The following NOP58 variants were observed in gnomAD, a reference collection of about 807,000 sequenced individuals.
NOP58 encodes NOP58 ribonucleoprotein, also known as nucleolar protein 58.
Under a neutral mutation model 71.2 loss-of-function variants are expected in NOP58, and 44 were observed. That is an observed-to-expected ratio of 0.62 (90% CI 0.49 to 0.79). The LOEUF (loss-of-function observed/expected upper bound fraction) is 0.79, where lower values mean the gene tolerates loss of function less well. Ranked by LOEUF, NOP58 falls within the 30% of genes least tolerant of loss-of-function variation. NOP58 has a pLI of 0.00. For synonymous variants in NOP58, 228 were observed against 200.3 expected, an observed-to-expected ratio of 1.14 and a Z score of -1.17; for missense variants, 538 against 620.2, an observed-to-expected ratio of 0.87 and a Z score of 1.41.
chr2:202,287,700 G>C lies in NOP58; in HGVS notation c.475G>C (p.Asp159His), dbSNP rs1366500959. 6.2e-7 allele frequency: 1 copy of C among 1,613,212 alleles called. No individual in the cohort carries two copies. Among genetic ancestry groups the C allele is most frequent in the African/African-American group, 1.3e-5 (1 of 75,036 alleles). ...ATTGAAGTTTAGCGCTGATAAAGTA[G>C]ACACAATGATTGTTCAGGCAATTTG... The part of the protein sequence containing the change: ...YRLKFSADKV[D>H]TMIVQAISLL... The change falls in exon 6 of 15, where the codon GAC becomes CAC. Residue 159 changes from aspartate (D) to histidine (H), a missense_variant. Asp to His is a moderately conservative substitution (Grantham distance 81). Coordinates refer to ENST00000264279, the MANE Select transcript of NOP58 (RefSeq NM_015934.5).
intron 1 of NOP58, among the ~76,000 whole-genome samples, chr2:202,268,717 T>A (rs1162192087): frequency 6.7e-6 from 1 of 150,132 alleles, no homozygotes; most frequent in African/African-American, 2.4e-5. Context: ...GATCAAGCAA[T>A]TCTCCTGCCT....
rs1688816195 is a variant in NOP58, at chr2:202,287,690, T to C, written c.465T>C (p.Ala155=). 1.2e-6 allele frequency: 2 copies of C among 1,613,202 alleles called. No homozygotes were observed. The highest frequency in any genetic ancestry group is 8.5e-7 in the Non-Finnish European group (1 of 1,179,274). ...SLSRYRLKFS[A]DKVDTMIVQA... is the part of the protein sequence containing the mutation. Reference sequence around the variant, plus strand: ...CTCGATATAGATTGAAGTTTAGCGCTGATAAAGTAGACACAATGATTGTTC... The same window carrying C: ...CTCGATATAGATTGAAGTTTAGCGCCGATAAAGTAGACACAATGATTGTTC... Residue 155 remains alanine (A), a synonymous_variant, in exon 6 of 15, where the codon GCT becomes GCC. Transcript: ENST00000264279.
chr2:202,268,645 C>T (rs1238078493), intron 1 of NOP58, among the ~76,000 whole-genome samples: 1 of 151,000 alleles, frequency 6.6e-6, no homozygotes, highest in African/African-American at 2.4e-5. Flanking sequence ...GAGTTTCACT[C>T]TTGTTGCCCA....
At chr2:202,280,440 G>A (rs1688681214) in intron 3 of NOP58, among the ~76,000 whole-genome samples, 1 of 151,900 alleles carries the variant, frequency 6.6e-6, no homozygotes, top group South Asian at 2.1e-4. Flanking sequence ...TCTCCCAGGA[G>A]GCTGGGTTCA....
chr2:202,266,946 C>A (rs548403847), intron 1 of NOP58, among the ~76,000 whole-genome samples: 1 of 148,290 alleles, frequency 6.7e-6, no homozygotes, highest in East Asian at 2.0e-4. Flanking sequence ...TTGTGTAGAT[C>A]GGGCAGTTCA....
chr2:202,302,496 T>C (rs1689111694), intron 13 of NOP58, among the ~76,000 whole-genome samples: 1 of 152,164 alleles, frequency 6.6e-6, no homozygotes, highest in South Asian at 2.1e-4. Context: ...TCAGTAACAG[T>C]CCAGTAAGAT....
At chr2:202,279,901 G>A (rs564956665) in intron 3 of NOP58, among the ~76,000 whole-genome samples, 1 of 152,286 alleles carries the variant, frequency 6.6e-6, no homozygotes, top group South Asian at 2.1e-4. Flanking sequence ...GGCAGAGACT[G>A]TTCTGTACTG....
chr2:202,277,952 T>A lies in NOP58; in HGVS notation c.125T>A (p.Val42Glu). Residue 42 changes from valine (V) to glutamate (E), a missense_variant and splice_region_variant, in exon 3 of 15, where the codon GTA (valine) becomes GAA (glutamate). By Grantham distance (121) the Val-to-Glu change is moderately radical. Transcript: ENST00000264279. ...FETPEKANKI[V>E]KLKHFEKFQD... is the part of the protein sequence containing the mutation. Reference sequence around the variant, plus strand: ...ATCTCTTTTTTTTTTAATTCTAGAGTAAAGCTAAAACATTTTGAGAAATTT... The same window carrying A: ...ATCTCTTTTTTTTTTAATTCTAGAGAAAAGCTAAAACATTTTGAGAAATTT... The A allele has an allele frequency of 6.7e-7, 1 of 1,482,204 alleles. No homozygotes were observed. The highest frequency in any genetic ancestry group is 9.3e-7 in the Non-Finnish European group (1 of 1,072,980). 91.8% of individuals were successfully genotyped at this position (1,482,204 alleles called of 1,614,324 possible).
chr2:202,302,506 TAA>T (rs1261523128), intron 13 of NOP58, among the ~76,000 whole-genome samples: 1 of 152,236 alleles, frequency 6.6e-6, no homozygotes, highest in African/African-American at 2.4e-5. Flanking sequence ...TCCAGTAAGA[TAA>T]GACATTCTTA....
chr2:202,268,108 T>G (rs1688447575), intron 1 of NOP58, among the ~76,000 whole-genome samples: 1 of 152,176 alleles, frequency 6.6e-6, no homozygotes, highest in South Asian at 2.1e-4. Flanking sequence ...ATTGTACACT[T>G]TAAAAGGGCA....
chr2:202,285,677 A>G (rs1688774703), intron 5 of NOP58, among the ~76,000 whole-genome samples: 1 of 151,974 alleles, frequency 6.6e-6, no homozygotes, highest in South Asian at 2.1e-4. Flanking sequence ...ACCCTATCAT[A>G]TTTCATTAGA....
At chr2:202,299,842 C>CT (rs57184037) in intron 12 of NOP58, 2,063 of 127,204 alleles carry the variant, frequency 0.016, 36 homozygotes, top group East Asian at 0.053. Flanking sequence ...TTTTGTTCTG[C>CT]TTTTTTTTTT....
chr2:202,289,878 G>A (rs1194973236), intron 6 of NOP58, among the ~76,000 whole-genome samples: 1 of 152,100 alleles, frequency 6.6e-6, no homozygotes, highest in African/African-American at 2.4e-5. Context: ...CCTGGTAATG[G>A]TTGCATAACA....
chr2:202,272,389 C>A (rs1012818821), intron 1 of NOP58, among the ~76,000 whole-genome samples: 1 of 151,914 alleles, frequency 6.6e-6, no homozygotes, highest in African/African-American at 2.4e-5. Flanking sequence ...CTCCTGACCT[C>A]GTGATTCGCC....
At chr2:202,272,145 T>C (rs1027513125) in intron 1 of NOP58, among the ~76,000 whole-genome samples, 1 of 133,592 alleles carries the variant, frequency 7.5e-6, no homozygotes, top group Non-Finnish European at 1.5e-5. Flanking sequence ...TGTTCTGATG[T>C]ATAATTTTTT....
rs115801171 is a variant in NOP58 at position 202,270,312 on chromosome 2, A to G, written c.45+4326A>G. 8.3e-3 allele frequency among the ~76,000 whole-genome samples: 1,267 copies of G among 152,314 alleles called. 9 individuals are homozygous for G. The highest frequency in any genetic ancestry group is 0.037 in the Middle Eastern group (11 of 294). ...TTTTTCACTTAGTGTAATGCTTCTG[A>G]AGCTAACCGAAGAGCTTTTTCACAT... On this transcript the variant is annotated intron_variant, in intron 1 of 14. Coordinates refer to ENST00000264279, the MANE Select transcript of NOP58 (RefSeq NM_015934.5).
intron 3 of NOP58, among the ~76,000 whole-genome samples, chr2:202,281,824 A>G (rs1688710492): frequency 6.6e-6 from 1 of 152,228 alleles, no homozygotes; most frequent in African/African-American, 2.4e-5. Context: ...CAGAAATACC[A>G]GCGGTCTCAA....
chr2:202,267,236 A>C (rs1688432785), intron 1 of NOP58, among the ~76,000 whole-genome samples: 1 of 152,178 alleles, frequency 6.6e-6, no homozygotes, highest in African/African-American at 2.4e-5. Flanking sequence ...AGAAAGCAAA[A>C]ACGCTAGGTA....
chr2:202,287,242 T>C (rs1026167130), intron 5 of NOP58, among the ~76,000 whole-genome samples: 7 of 152,168 alleles, frequency 4.6e-5, no homozygotes, highest in Middle Eastern at 3.4e-3. Context: ...CTAATTTTTA[T>C]ATTTTTAGTA....
Sources: allele counts gnomAD v4.1 joint callset (sites outside exome capture counted in the v4.1 genomes callset), GRCh38; gene constraint gnomAD v4.1.1; transcripts MANE v1.5; gene names NCBI Gene and HGNC (gene_info 2026-07-23, HGNC 2026-07-21).